The following AUTS2 variants were observed in gnomAD, a reference collection of about 807,000 sequenced individuals.
AUTS2 encodes activator of transcription and developmental regulator AUTS2.
Under a neutral mutation model 112.4 loss-of-function variants are expected in AUTS2, and 17 were observed. That is an observed-to-expected ratio of 0.15 (90% CI 0.10 to 0.23). The LOEUF is 0.23. Among genes scored for constraint, AUTS2 ranks in the 10% least tolerant of loss-of-function variants. The pLI is 1.00. For missense variants in AUTS2, 1,510 were observed against 1,701.6 expected (o/e 0.89, Z 1.98); for synonymous variants, 751 against 702.7 (o/e 1.07, Z -1.09).
intron 5 of AUTS2, among the ~76,000 whole-genome samples, chr7:70,525,124 A>G (rs1232140335): frequency 6.6e-6 from 1 of 152,190 alleles, no homozygotes; most frequent in African/African-American, 2.4e-5. Flanking sequence ...TTCCTGACAG[A>G]CAGTCGGATA....
intron 4 of AUTS2, among the ~76,000 whole-genome samples, chr7:70,379,889 G>T (rs755040263): frequency 1.3e-5 from 2 of 152,154 alleles, no homozygotes; most frequent in East Asian, 3.9e-4. Flanking sequence ...TGGCTTATTT[G>T]CTGTACCAGA....
At chr7:70,529,804 G>A (rs1197568096) in intron 5 of AUTS2, among the ~76,000 whole-genome samples, 1 of 152,210 alleles carries the variant, frequency 6.6e-6, no homozygotes, top group Non-Finnish European at 1.5e-5. Context: ...AGGGGGCAGT[G>A]ATGAAACAGG....
intron 1 of AUTS2, among the ~76,000 whole-genome samples, chr7:69,704,565 G>A (rs1797973035): frequency 6.6e-6 from 1 of 152,012 alleles, no homozygotes; most frequent in Non-Finnish European, 1.5e-5. Flanking sequence ...CACGGCACCC[G>A]GCCTCTAAAA....
chr7:70,318,647 G>A (rs147842764), intron 4 of AUTS2, among the ~76,000 whole-genome samples: 77 of 152,336 alleles, frequency 5.1e-4, no homozygotes, highest in Non-Finnish European at 9.8e-4. Flanking sequence ...CTGTCTAGCA[G>A]TGTGGGTGTT....
In AUTS2 at chr7:70,771,364, A is replaced by C. The variant is rs770954160; in HGVS notation, c.1735-185A>C. The C allele has an allele frequency of 1.0e-3, 469 of 462,502 alleles. 7 individuals are homozygous for C. Among genetic ancestry groups the C allele is most frequent in the Admixed American group, 4.4e-4 (12 of 27,460 alleles). 28.6% of individuals were successfully genotyped at this position (462,502 alleles called of 1,614,324 possible). ...GGCTGATTGATCCTGAACTACTTTTAACTTTTTAAGTTACACATTCGTGGC... is the reference window on the plus strand; with the variant it reads ...GGCTGATTGATCCTGAACTACTTTTCACTTTTTAAGTTACACATTCGTGGC... On this transcript the variant is annotated intron_variant, in intron 10 of 18. Coordinates refer to ENST00000342771, the MANE Select transcript of AUTS2 (RefSeq NM_015570.4).
At chr7:70,757,441 A>G (rs1789280572) in intron 6 of AUTS2, among the ~76,000 whole-genome samples, 1 of 151,808 alleles carries the variant, frequency 6.6e-6, no homozygotes, top group African/African-American at 2.4e-5. Context: ...GTTGTATAAT[A>G]TTTGCTGTTG....
intron 2 of AUTS2, among the ~76,000 whole-genome samples, chr7:69,946,844 T>C (rs1796834113): frequency 6.6e-6 from 1 of 152,194 alleles, no homozygotes; most frequent in Non-Finnish European, 1.5e-5. Flanking sequence ...ACGTGTGTTT[T>C]GTTGTTTCTT....
chr7:69,911,875 G>A (rs978132508), intron 2 of AUTS2, among the ~76,000 whole-genome samples: 4 of 152,140 alleles, frequency 2.6e-5, no homozygotes, highest in African/African-American at 9.7e-5. Context: ...CACCCTGGCC[G>A]CTAGGCTTCA....
intron 2 of AUTS2, among the ~76,000 whole-genome samples, chr7:69,952,252 A>G (rs1489656636): frequency 6.6e-6 from 1 of 152,174 alleles, no homozygotes; most frequent in Non-Finnish European, 1.5e-5. Context: ...TGTCATAAAG[A>G]TGGAAAAATG....
intron 5 of AUTS2, among the ~76,000 whole-genome samples, chr7:70,439,353 CA>C (rs1418094173): frequency 6.6e-6 from 1 of 152,064 alleles, no homozygotes; most frequent in African/African-American, 2.4e-5. Flanking sequence ...GCCTGACCAA[CA>C]TAGTGAAACC....
chr7:70,346,520 TC>T (rs959944410), intron 4 of AUTS2, among the ~76,000 whole-genome samples: 7 of 152,152 alleles, frequency 4.6e-5, no homozygotes, highest in Admixed American at 6.5e-5. Flanking sequence ...GTTACTCTCT[TC>T]CCCTCCACCT....
At chr7:70,530,353 G>A (rs1800031830) in intron 5 of AUTS2, among the ~76,000 whole-genome samples, 1 of 152,092 alleles carries the variant, frequency 6.6e-6, no homozygotes, top group African/African-American at 2.4e-5. Flanking sequence ...ATAGTCTGTG[G>A]GTGTTACGGC....
chr7:70,319,825 G>A (rs1040427373), intron 4 of AUTS2, among the ~76,000 whole-genome samples: 3 of 151,974 alleles, frequency 2.0e-5, no homozygotes, highest in Non-Finnish European at 4.4e-5. Flanking sequence ...CCATCTAGTC[G>A]GAGTAGCTGG....
chr7:70,653,431 C>T (rs1023001828), intron 5 of AUTS2, among the ~76,000 whole-genome samples: 2 of 152,162 alleles, frequency 1.3e-5, no homozygotes, highest in South Asian at 4.1e-4. Context: ...GTGATCCTTA[C>T]GCCCTAGACT....
chr7:70,657,222 C>T lies in AUTS2; in HGVS notation c.691-41347C>T, dbSNP rs541002378. ...GTGTGTGTAGCTGGGGTTAACCCGC[C>T]GTCTTAATGTCTGCCTACTCGGTTT... On this transcript the variant is annotated intron_variant, in intron 5 of 18. Coordinates refer to ENST00000342771, the MANE Select transcript of AUTS2 (RefSeq NM_015570.4). Among the ~76,000 whole-genome samples the T allele has an allele frequency of 2.2e-4, 34 of 151,694 alleles. No individual in the cohort carries two copies. The South Asian group carries it at 6.6e-3, about 29-fold the overall frequency.
intron 4 of AUTS2, among the ~76,000 whole-genome samples, chr7:70,356,023 G>A (rs1340942476): frequency 6.6e-6 from 1 of 152,184 alleles, no homozygotes; most frequent in Non-Finnish European, 1.5e-5. Context: ...GGCTGAACAA[G>A]TACCAGACAC....
chr7:69,988,499 C>T (rs1473891836), intron 2 of AUTS2, among the ~76,000 whole-genome samples: 2 of 152,128 alleles, frequency 1.3e-5, no homozygotes, highest in Non-Finnish European at 2.9e-5. Context: ...TTATGCATCA[C>T]TTGTTGAATT....
At chr7:70,679,683 T>C (rs1808105665) in intron 5 of AUTS2, among the ~76,000 whole-genome samples, 1 of 152,168 alleles carries the variant, frequency 6.6e-6, no homozygotes, top group East Asian at 1.9e-4. Context: ...ATTGTTTTAT[T>C]TGATTGTTGA....
At chr7:70,284,997 T>C (rs1419750866) in intron 4 of AUTS2, among the ~76,000 whole-genome samples, 2 of 152,218 alleles carry the variant, frequency 1.3e-5, no homozygotes, top group Non-Finnish European at 2.9e-5. Flanking sequence ...GTTTCCTTTT[T>C]GTTGTATTGA....
Sources: allele counts gnomAD v4.1 joint callset (sites outside exome capture counted in the v4.1 genomes callset), GRCh38; gene constraint gnomAD v4.1.1; transcripts MANE v1.5; gene names NCBI Gene and HGNC (gene_info 2026-07-23, HGNC 2026-07-21).